NPAS3: variants seen among roughly 807,000 people sequenced by gnomAD.
The protein encoded by NPAS3 is neuronal PAS domain-containing protein 3.
In NPAS3, 14 loss-of-function variants were observed where a neutral mutation model predicts 73.1. The observed-to-expected ratio is 0.19, with a 90% CI of 0.13 to 0.30. The LOEUF (loss-of-function observed/expected upper bound fraction) is 0.30. NPAS3 is among the 10% of genes least tolerant of loss of function. The pLI is 1.00. For missense variants in NPAS3, 1,096 were observed against 1,250.0 expected (o/e 0.88, Z 1.86); for synonymous variants, 620 against 541.5 (o/e 1.14, Z -2.01).
intron 7 of NPAS3, among the ~76,000 whole-genome samples, chr14:33,739,530 C>T (rs1216979949): frequency 1.3e-5 from 2 of 152,172 alleles, no homozygotes; most frequent in Non-Finnish European, 2.9e-5. Flanking sequence ...TAAGCCCAAA[C>T]ATAGGTGTCT....
chr14:33,613,034 G>T (rs1280303574), intron 5 of NPAS3, among the ~76,000 whole-genome samples: 1 of 152,188 alleles, frequency 6.6e-6, no homozygotes, highest in African/African-American at 2.4e-5. Context: ...TCCTGATAGA[G>T]ATCAGGTAGT....
At chr14:33,692,900 A>T (rs1349531983) in intron 6 of NPAS3, among the ~76,000 whole-genome samples, 1 of 151,214 alleles carries the variant, frequency 6.6e-6, no homozygotes, top group Admixed American at 6.6e-5. Flanking sequence ...ATCGTAGCAA[A>T]ATATCAGCAG....
intron 2 of NPAS3, among the ~76,000 whole-genome samples, chr14:33,127,291 C>G (rs1340230494): frequency 6.6e-6 from 1 of 151,940 alleles, no homozygotes; most frequent in Admixed American, 6.6e-5. Flanking sequence ...GAAGGACCTC[C>G]CTTTTTTGAG....
At chr14:33,575,483 C>T (rs1196941839) in intron 5 of NPAS3, among the ~76,000 whole-genome samples, 1 of 152,148 alleles carries the variant, frequency 6.6e-6, no homozygotes, top group Non-Finnish European at 1.5e-5. Flanking sequence ...CCAATTGTTC[C>T]TAACATTTCT....
chr14:33,347,840 G>T (rs920883160), intron 3 of NPAS3, among the ~76,000 whole-genome samples: 13 of 151,856 alleles, frequency 8.6e-5, no homozygotes, highest in African/African-American at 2.9e-4. Flanking sequence ...ACAAGGAAAA[G>T]TCTGTACATG....
intron 1 of NPAS3, among the ~76,000 whole-genome samples, chr14:33,045,761 A>T (rs1041890317): frequency 6.6e-6 from 1 of 152,142 alleles, no homozygotes; most frequent in Non-Finnish European, 1.5e-5. Flanking sequence ...AGATCCTCTG[A>T]TTAGTTCTTA....
At chr14:33,493,750 C>G (rs567472052) in intron 4 of NPAS3, among the ~76,000 whole-genome samples, 3 of 152,082 alleles carry the variant, frequency 2.0e-5, no homozygotes, top group Non-Finnish European at 4.4e-5. Flanking sequence ...GATGAGAAGT[C>G]GCATGCCAAA....
At chr14:33,799,825 G>T in exon 12 of NPAS3, 1 of 1,614,040 alleles carries the variant, frequency 6.2e-7, no homozygotes, top group South Asian at 1.1e-5. Context: ...CGGGCAACGC[G>T]TGTGACAACG....
intron 4 of NPAS3, among the ~76,000 whole-genome samples, chr14:33,394,751 CTA>C (rs537784180): frequency 3.3e-4 from 50 of 152,298 alleles, no homozygotes; most frequent in African/African-American, 1.0e-3. Context: ...AGGCCAATTT[CTA>C]TGCCCAAAGT....
intron 4 of NPAS3, among the ~76,000 whole-genome samples, chr14:33,482,342 T>G (rs1411911960): frequency 6.6e-6 from 1 of 152,188 alleles, no homozygotes; most frequent in African/African-American, 2.4e-5. Flanking sequence ...ATGTTTTCAT[T>G]CAGTGGGCTT....
chr14:33,329,645 G>A (rs2043887730), intron 3 of NPAS3, among the ~76,000 whole-genome samples: 1 of 152,090 alleles, frequency 6.6e-6, no homozygotes, highest in Non-Finnish European at 1.5e-5. Flanking sequence ...GTAGGCAGGG[G>A]CACGATGGGG....
At chr14:33,239,553 A>G (rs2048149601) in intron 3 of NPAS3, among the ~76,000 whole-genome samples, 1 of 151,880 alleles carries the variant, frequency 6.6e-6, no homozygotes, top group Non-Finnish European at 1.5e-5. Context: ...CCTTGCTCAC[A>G]GACAAGATCA....
chr14:32,950,081 T>G lies in NPAS3; in HGVS notation c.50+10715T>G, dbSNP rs2036422473. On this transcript the variant is annotated intron_variant, in intron 1 of 11. Transcript: ENST00000356141. ...ATTTAACTATTTCTTCCATATGAACTTAACATTTAAACATCCGTTAGTTAC... is the reference window on the plus strand; with the variant it reads ...ATTTAACTATTTCTTCCATATGAACGTAACATTTAAACATCCGTTAGTTAC... Among the ~76,000 whole-genome samples, 3 of 152,196 alleles carry G rather than the reference T, an allele frequency of 2.0e-5. No homozygotes were observed. In the South Asian group the frequency reaches 6.2e-4, roughly 31 times the overall value.
chr14:33,396,524 T>C (rs2047229160), intron 4 of NPAS3, among the ~76,000 whole-genome samples: 1 of 152,200 alleles, frequency 6.6e-6, no homozygotes, highest in Admixed American at 6.6e-5. Context: ...ATTTCAAGTC[T>C]ATTTCACCAG....
At chr14:33,341,466 A>T (rs943908159) in intron 3 of NPAS3, among the ~76,000 whole-genome samples, 1 of 151,942 alleles carries the variant, frequency 6.6e-6, no homozygotes, top group African/African-American at 2.4e-5. Context: ...TTATTTTTTT[A>T]AACCAAACTG....
At chr14:33,169,172 T>A (rs1390011364) in intron 2 of NPAS3, among the ~76,000 whole-genome samples, 2 of 152,260 alleles carry the variant, frequency 1.3e-5, no homozygotes, top group Non-Finnish European at 2.9e-5. Flanking sequence ...TACTCTTTTA[T>A]TTGAGGGCCA....
At chr14:33,321,260 A>G (rs1473124341) in intron 3 of NPAS3, among the ~76,000 whole-genome samples, 4 of 152,124 alleles carry the variant, frequency 2.6e-5, no homozygotes, top group African/African-American at 9.7e-5. Flanking sequence ...GATTGTACAG[A>G]TTTGTAGATA....
chr14:33,600,048 G>T (rs1369950750), intron 5 of NPAS3, among the ~76,000 whole-genome samples: 1 of 152,164 alleles, frequency 6.6e-6, no homozygotes, highest in East Asian at 1.9e-4. Flanking sequence ...CCAGGCACTA[G>T]AGTTCCTCCA....
At chr14:33,405,829 G>T (rs762968071) in intron 4 of NPAS3, among the ~76,000 whole-genome samples, 1 of 152,102 alleles carries the variant, frequency 6.6e-6, no homozygotes, top group African/African-American at 2.4e-5. Flanking sequence ...ATTAAACTCA[G>T]TCTATTAGTG....
Sources: allele counts gnomAD v4.1 joint callset (sites outside exome capture counted in the v4.1 genomes callset), GRCh38; gene constraint gnomAD v4.1.1; transcripts MANE v1.5; gene names NCBI Gene and HGNC (gene_info 2026-07-23, HGNC 2026-07-21).